The following OR8B8 variants were observed in gnomAD, a reference collection of about 807,000 sequenced individuals.
OR8B8 encodes the protein olfactory receptor 8B8.
In OR8B8, 8 loss-of-function variants were observed where a neutral mutation model predicts 10.5. The ratio of observed to expected loss-of-function variants is 0.76; its 90% CI spans 0.45 to 1.38. OR8B8 has a LOEUF of 1.38. OR8B8 is among the 40% of genes most tolerant of loss of function. The probability of loss-of-function intolerance (pLI) is 0.00; values close to 1 mark genes in which losing one functional copy is unlikely to be tolerated. For synonymous variants in OR8B8, 150 were observed against 145.2 expected, an observed-to-expected ratio of 1.03 and a Z score of -0.24; for missense variants, 390 against 380.5, an observed-to-expected ratio of 1.03 and a Z score of -0.21.
Position 124,440,785 on chromosome 11 carries a change from G to A in OR8B8, c.301C>T (p.Leu101Phe), listed in dbSNP as rs1234803570. The A allele has an allele frequency of 3.4e-5, 55 of 1,614,176 alleles. No individual in the cohort carries two copies. In the East Asian group the frequency reaches 9.4e-4, roughly 27 times the overall value. ...SISYAGCMTQ[L>F]FFFLFFVVSE... ...ACAACAAAGAAAAGAAAGAAGAAGA[G>A]CTGAGTCATACACCCTGCGTAGGAG... Residue 101 changes from leucine to phenylalanine, a missense_variant, in exon 3 of 3, where the codon CTC (leucine) becomes TTC (phenylalanine). Physicochemically the swap from Leu to Phe is conservative, Grantham distance 22. Coordinates refer to ENST00000642064, the MANE Select transcript of OR8B8 (RefSeq NM_012378.2).
rs1861445249 is a variant in OR8B8 at position 124,439,890 on chromosome 11, CT to C, written c.*259del. 3 of 387,490 alleles carry C rather than the reference CT, an allele frequency of 7.7e-6. No individual in the cohort carries two copies. Among genetic ancestry groups the C allele is most frequent in the Admixed American group, 8.2e-5 (2 of 24,334 alleles). 24.0% of individuals were successfully genotyped at this position (387,490 alleles called of 1,614,324 possible). ...AGCCTGGATTTTAGTCGCAGTTCCA[CT>C]GCTGAGCAGCTGAGCGACCTCGGGG... On this transcript the variant is annotated 3_prime_UTR_variant, in exon 3 of 3. Coordinates refer to ENST00000642064, the MANE Select transcript of OR8B8 (RefSeq NM_012378.2).
In OR8B8 at chr11:124,438,125, G is replaced by T. The variant is rs1861424814; in HGVS notation, c.*2025C>A. 1 of 152,110 alleles carries T rather than the reference G, an allele frequency of 6.6e-6. No homozygotes were observed. Among genetic ancestry groups the T allele is most frequent in the Non-Finnish European group, 1.5e-5 (1 of 68,020 alleles). The allele number at this position is 152,110 out of a possible 1,614,324, so 9.4% of individuals were successfully genotyped here. ...TGAGAAAAACGTTTTTAAAGATGAA[G>T]AAATTGATGTTCAGAGACATCATGT... On this transcript the variant is annotated 3_prime_UTR_variant, in exon 3 of 3. Transcript: ENST00000642064.
rs537912609 is a variant in OR8B8 at position 124,443,459 on chromosome 11, C to T, written c.-152-1836G>A. On this transcript the variant is annotated intron_variant, in intron 1 of 2. Coordinates refer to ENST00000642064, the MANE Select transcript of OR8B8 (RefSeq NM_012378.2). ...GGTGTTGATGACTTGATGCCATGTTCCCCCCAAATGCTATGTTTAATGTGT... is the reference window on the plus strand; with the variant it reads ...GGTGTTGATGACTTGATGCCATGTTTCCCCCAAATGCTATGTTTAATGTGT... Among the ~76,000 whole-genome samples, 30 of 152,168 alleles carry T rather than the reference C, an allele frequency of 2.0e-4. 2 individuals carry two copies. The South Asian group carries it at 5.4e-3, about 27-fold the overall frequency.
Position 124,440,004 on chromosome 11 carries a change from T to G in OR8B8, c.*146A>C. On this transcript the variant is annotated 3_prime_UTR_variant, in exon 3 of 3. Coordinates refer to ENST00000642064, the MANE Select transcript of OR8B8 (RefSeq NM_012378.2). Reference sequence around the variant, plus strand: ...GACTTACTGTGTGAGTATTCAAAGCTCTTAAGAATGTTTGTAAATTAAAGA... The same window carrying G: ...GACTTACTGTGTGAGTATTCAAAGCGCTTAAGAATGTTTGTAAATTAAAGA... The G allele has an allele frequency of 4.7e-6, 3 of 642,358 alleles. No individual in the cohort carries two copies. Among genetic ancestry groups the G allele is most frequent in the South Asian group, 4.1e-5 (2 of 48,684 alleles). The allele number at this position is 642,358 out of a possible 1,614,324, so 39.8% of individuals were successfully genotyped here.
At chr11:124,441,184 A>G (rs1861472024) in intron 2 of OR8B8, 83 bp from the exon 3 acceptor site, 1 of 878,244 alleles carries the variant, frequency 1.1e-6, no homozygotes, top group Non-Finnish European at 1.7e-6. Flanking sequence ...CCTTCTTGAG[A>G]ATAGGAGGCA....
chr11:124,441,092 T>C lies in OR8B8; in HGVS notation c.-7A>G. On this transcript the variant is annotated 5_prime_UTR_variant, in exon 3 of 3. An upstream open reading frame in the 5' UTR loses its in-frame stop. Transcript: ENST00000642064. ...AGGAATTCTCAGCAGCCATTGTCAT[T>C]TAAGGCATTCTGTGGGGACAAGGGA... The C allele has an allele frequency of 6.2e-7, 1 of 1,605,490 alleles. No individual in the cohort carries two copies. Among genetic ancestry groups the C allele is most frequent in the Non-Finnish European group, 8.5e-7 (1 of 1,177,510 alleles).
chr11:124,441,113 A>G lies in OR8B8; in HGVS notation c.-16-12T>C, dbSNP rs1048456623. 2 of 1,561,602 alleles carry G rather than the reference A, an allele frequency of 1.3e-6. No homozygotes were observed. The highest frequency in any genetic ancestry group is 1.4e-5 in the African/African-American group (1 of 73,576). ...TCATTTAAGGCATTCTGTGGGGACA[A>G]GGGAAAAAGTTATTTAGAGAGAGAG... On this transcript the variant is annotated splice_polypyrimidine_tract_variant and intron_variant, in intron 2 of 2. Coordinates refer to ENST00000642064, the MANE Select transcript of OR8B8 (RefSeq NM_012378.2).
chr11:124,440,519 G>A lies in OR8B8; in HGVS notation c.567C>T (p.Cys189=), dbSNP rs1861456989. The A allele has an allele frequency of 6.2e-7, 1 of 1,614,120 alleles. No individual in the cohort carries two copies. Among genetic ancestry groups the A allele is most frequent in the African/African-American group, 1.3e-5 (1 of 74,934 alleles). The change falls in exon 3 of 3, where the codon TGC becomes TGT. Residue 189 remains cysteine (C), a synonymous_variant. Transcript: ENST00000642064. ...CAAGCTCATTCACATAGGTGCTGGTGCAAGCACACTCAAGAAGGGGAAGGA... is the reference window on the plus strand; with the variant it reads ...CAAGCTCATTCACATAGGTGCTGGTACAAGCACACTCAAGAAGGGGAAGGA... ...CDILPLLECA[C]TSTYVNELVV... is the part of the protein sequence containing the mutation.
chr11:124,441,326 C>A (rs763387236), intron 2 of OR8B8, among the ~76,000 whole-genome samples, 162 bp downstream of exon 2: 5 of 152,188 alleles, frequency 3.3e-5, no homozygotes, highest in Non-Finnish European at 5.9e-5. Context: ...TTGTTGCGCC[C>A]TTTCAACTCC....
rs1861441333 is a variant in OR8B8 at position 124,439,477 on chromosome 11, C to T, written c.*673G>A. ...AATTCCCAAATTCTGTTCTTCATAA[C>T]CTTGACATTTTCTATAAGTTCTTCC... is the stretch of plus-strand genomic sequence containing the variant. On this transcript the variant is annotated 3_prime_UTR_variant, in exon 3 of 3. Transcript: ENST00000642064. 6.6e-6 allele frequency: 1 copy of T among 152,322 alleles called. No homozygotes were observed. Among genetic ancestry groups the T allele is most frequent in the African/African-American group, 2.4e-5 (1 of 41,438 alleles). 9.4% of individuals were successfully genotyped at this position (152,322 alleles called of 1,614,324 possible).
At chr11:124,444,204 CAG>C (rs1438779463) in intron 1 of OR8B8, among the ~76,000 whole-genome samples, 1 of 152,166 alleles carries the variant, frequency 6.6e-6, no homozygotes, top group Non-Finnish European at 1.5e-5. Flanking sequence ...ACTCCTAAAA[CAG>C]TATTCGGATC....
Position 124,445,641 on chromosome 11 carries a change from C to T in OR8B8, c.-218G>A, listed in dbSNP as rs528701208. 6 of 152,292 alleles carry T rather than the reference C, an allele frequency of 3.9e-5. No individual in the cohort carries two copies. In the South Asian group the frequency reaches 1.2e-3, roughly 32 times the overall value. 9.4% of individuals were successfully genotyped at this position (152,292 alleles called of 1,614,324 possible). On this transcript the variant is annotated 5_prime_UTR_variant, in exon 1 of 3. Coordinates refer to ENST00000642064, the MANE Select transcript of OR8B8 (RefSeq NM_012378.2). ...GTCACTGCTCAGAAACAAGATGCCTCAAGTGTAACTCTTATACCTAGAAAT... is the reference window on the plus strand; with the variant it reads ...GTCACTGCTCAGAAACAAGATGCCTTAAGTGTAACTCTTATACCTAGAAAT...
At position 124,440,822 on chromosome 11, in the gene OR8B8, C is replaced by T. The variant is rs1861464499; in HGVS notation, c.264G>A (p.Lys88=). ...TPKMLMSFVL[K]KNSISYAGCM... is the part of the protein sequence containing the mutation. ...ACCCTGCGTAGGAGATGCTGTTCTTCTTTAAGACAAAGCTCATCAGCATTT... is the reference window on the plus strand; with the variant it reads ...ACCCTGCGTAGGAGATGCTGTTCTTTTTTAAGACAAAGCTCATCAGCATTT... The change falls in exon 3 of 3, where the codon AAG becomes AAA. Residue 88 remains lysine (K), a synonymous_variant. Coordinates refer to ENST00000642064, the MANE Select transcript of OR8B8 (RefSeq NM_012378.2). 2 of 1,614,156 alleles carry T rather than the reference C, an allele frequency of 1.2e-6. No individual in the cohort carries two copies. The highest frequency in any genetic ancestry group is 1.7e-6 in the Non-Finnish European group (2 of 1,180,016).
rs1161579226 is a variant in OR8B8, at chr11:124,440,321, T to C, written c.765A>G (p.Gly255=). The change falls in exon 3 of 3, where the codon GGA becomes GGG. Residue 255 remains glycine, a synonymous_variant. Coordinates refer to ENST00000642064, the MANE Select transcript of OR8B8 (RefSeq NM_012378.2). ...IIAVSLFFGS[G]AFMYLKPFSL... is the part of the protein sequence containing the mutation. ...AAAAGGGTTTGAGGTACATGAATGC[T>C]CCTGACCCAAAGAACAGAGAAACTG... The C allele has an allele frequency of 1.2e-6, 2 of 1,614,160 alleles. No individual in the cohort carries two copies. The highest frequency in any genetic ancestry group is 1.1e-5 in the South Asian group (1 of 91,068).
In OR8B8 at chr11:124,438,254, C is replaced by G. The variant is rs1230086027; in HGVS notation, c.*1896G>C. ...TTTTGAGTCTTTATGCTGCTCTGCC[C>G]CTCTCAATCCCATAGTCAGCTAAAT... On this transcript the variant is annotated 3_prime_UTR_variant, in exon 3 of 3. Transcript: ENST00000642064. The G allele has an allele frequency of 6.6e-6, 1 of 152,150 alleles. No individual in the cohort carries two copies. The highest frequency in any genetic ancestry group is 1.5e-5 in the Non-Finnish European group (1 of 68,052). The allele number at this position is 152,150 out of a possible 1,614,324, so 9.4% of individuals were successfully genotyped here.
At chr11:124,442,120 T>C (rs543693597) in intron 1 of OR8B8, among the ~76,000 whole-genome samples, 1 of 152,300 alleles carries the variant, frequency 6.6e-6, no homozygotes, top group South Asian at 2.1e-4. Context: ...CCATTTTTCA[T>C]ATAATTTTTC....
Position 124,437,653 on chromosome 11 carries a change from T to TGC in OR8B8, c.*2496_*2497insGC, listed in dbSNP as rs1861417267. The TGC allele has an allele frequency of 6.9e-6, 1 of 144,340 alleles. No homozygotes were observed. The highest frequency in any genetic ancestry group is 1.5e-5 in the Non-Finnish European group (1 of 68,952). 8.9% of individuals were successfully genotyped at this position (144,340 alleles called of 1,614,324 possible). On this transcript the variant is annotated 3_prime_UTR_variant, in exon 3 of 3. Coordinates refer to ENST00000642064, the MANE Select transcript of OR8B8 (RefSeq NM_012378.2). ...GTGTGTGTGTGTGTGTGTGTGTGTG[T>TGC]GTGTGTGTGTGTGTGCGCGCGCGCG... is the stretch of plus-strand genomic sequence containing the variant.
At position 124,440,293 on chromosome 11, in the gene OR8B8, G is replaced by GTT. The variant is rs1285929112; in HGVS notation, c.792_793insAA (p.Leu265AsnfsTer3). 1 of 1,614,036 alleles carries GTT rather than the reference G, an allele frequency of 6.2e-7. No homozygotes were observed. The highest frequency in any genetic ancestry group is 1.1e-5 in the South Asian group (1 of 91,062). ...ACCTTGCCCTGGTTCATAGCTAAAA[G>GTT]AGAAAAGGGTTTGAGGTACATGAAT... On this transcript the variant is annotated frameshift_variant, in exon 3 of 3. Transcript: ENST00000642064. LOFTEE classifies it high-confidence loss of function.
At chr11:124,442,972 A>G (rs1219163965) in intron 1 of OR8B8, among the ~76,000 whole-genome samples, 1 of 87,604 alleles carries the variant, frequency 1.1e-5, no homozygotes, top group Non-Finnish European at 2.5e-5. Context: ...AGGCATCATA[A>G]ATTAGAATCT....
Sources: allele counts gnomAD v4.1 joint callset (sites outside exome capture counted in the v4.1 genomes callset), GRCh38; gene constraint gnomAD v4.1.1; transcripts MANE v1.5; gene names NCBI Gene and HGNC (gene_info 2026-07-23, HGNC 2026-07-21).